VIT: variants seen among roughly 807,000 people sequenced by gnomAD.
VIT encodes vitrin.
In VIT, 99 loss-of-function variants were observed where a neutral mutation model predicts 78.0. That is an observed-to-expected ratio of 1.27 (90% CI 1.08 to 1.50). VIT has a LOEUF of 1.50. VIT is among the 40% of genes most tolerant of loss of function. The pLI is 0.00. For missense variants in VIT, 1,126 were observed against 875.3 expected, an observed-to-expected ratio of 1.29 and a Z score of -3.61; for synonymous variants, 374 against 334.3, an observed-to-expected ratio of 1.12 and a Z score of -1.29.
Position 36,808,683 on chromosome 2 carries a change from C to G in VIT, c.1601C>G (p.Thr534Ser). ...GNFRTVLQFV[T>S]NLTKEFEISD... ...TTCCGCACCGTCCTCCAGTTTGTGA[C>G]CAACCTCACCAAAGAGTTTGAGATT... The change falls in exon 15 of 16, where the codon ACC becomes AGC. Residue 534 changes from threonine (T) to serine (S), a missense_variant. Physicochemically the swap from Thr to Ser is moderately conservative, Grantham distance 58. Transcript: ENST00000379242. 1.2e-6 allele frequency: 2 copies of G among 1,614,236 alleles called. No individual in the cohort carries two copies. Among genetic ancestry groups the G allele is most frequent in the Non-Finnish European group, 1.7e-6 (2 of 1,180,048 alleles).
In VIT at chr2:36,787,295, C is replaced by G; in HGVS notation, c.1058+19C>G. ...AGTATGGGTAAGTGCAGTTAATGTT[C>G]TGAATCCAGAAAGGAAGTCATGCCA... On this transcript the variant is annotated intron_variant, in intron 12 of 15. Transcript: ENST00000379242. 3.8e-6 allele frequency: 6 copies of G among 1,598,348 alleles called. No individual in the cohort carries two copies. The highest frequency in any genetic ancestry group is 1.1e-5 in the South Asian group (1 of 89,058).
intron 15 of VIT, among the ~76,000 whole-genome samples, chr2:36,811,158 C>T (rs771954019): frequency 6.6e-6 from 1 of 152,136 alleles, no homozygotes; most frequent in Non-Finnish European, 1.5e-5. Flanking sequence ...TGCATGCCAA[C>T]AATCACAAGG....
chr2:36,788,208 A>G (rs999952009), intron 12 of VIT, among the ~76,000 whole-genome samples: 4 of 152,158 alleles, frequency 2.6e-5, no homozygotes, highest in South Asian at 2.1e-4. Context: ...TTTGGTGCCT[A>G]TTGCTTAGAA....
intron 8 of VIT, chr2:36,774,548 A>C: frequency 1.0e-6 from 1 of 985,358 alleles, no homozygotes; most frequent in Non-Finnish European, 1.2e-6. Flanking sequence ...CTGCTGGGGG[A>C]TACTCGTCCA....
intron 4 of VIT, among the ~76,000 whole-genome samples, chr2:36,748,037 G>T (rs1307361629): frequency 6.6e-6 from 1 of 152,204 alleles, no homozygotes; most frequent in Non-Finnish European, 1.5e-5. Flanking sequence ...CTTTAAGGGT[G>T]CTGAGAATAG....
chr2:36,708,116 C>A (rs980406193), intron 1 of VIT, among the ~76,000 whole-genome samples: 18 of 150,554 alleles, frequency 1.2e-4, no homozygotes, highest in African/African-American at 2.4e-4. Context: ...GACCTCCCCC[C>A]CCCGCCCACC....
chr2:36,767,319 G>A, intron 7 of VIT, 34 bp downstream of exon 7: 1 of 1,454,532 alleles, frequency 6.9e-7, no homozygotes, highest in Non-Finnish European at 9.1e-7. Context: ...CTTTGTGCTA[G>A]GGAAATGGGA....
chr2:36,745,651 C>T (rs745843448), intron 4 of VIT, among the ~76,000 whole-genome samples: 4 of 152,158 alleles, frequency 2.6e-5, no homozygotes, highest in East Asian at 1.9e-4. Flanking sequence ...TTTTATATAT[C>T]GGTTTTGTAT....
At chr2:36,797,006 A>G (rs1462205312) in intron 12 of VIT, among the ~76,000 whole-genome samples, 1 of 152,084 alleles carries the variant, frequency 6.6e-6, no homozygotes, top group African/African-American at 2.4e-5. Context: ...TACAAATAAC[A>G]TTATGTTTGA....
At chr2:36,757,107 A>G (rs1668813335) in intron 5 of VIT, among the ~76,000 whole-genome samples, 1 of 152,242 alleles carries the variant, frequency 6.6e-6, no homozygotes, top group African/African-American at 2.4e-5. Context: ...TCACTGCAGC[A>G]TAAGCATTGA....
chr2:36,743,382 T>A (rs1000046152), intron 4 of VIT, 126 bp downstream of exon 4: 1 of 1,057,558 alleles, frequency 9.5e-7, no homozygotes, highest in East Asian at 2.6e-5. Context: ...AATCTTTATT[T>A]AATCTTCATT....
intron 9 of VIT, among the ~76,000 whole-genome samples, 174 bp downstream of exon 9, chr2:36,775,241 G>A (rs1333560322): frequency 6.6e-6 from 1 of 152,196 alleles, no homozygotes; most frequent in African/African-American, 2.4e-5. Flanking sequence ...CTCTTTGATT[G>A]ATCTGTTCTC....
At chr2:36,777,129 ATAAAG>A (rs1670123746) in intron 9 of VIT, among the ~76,000 whole-genome samples, 4 of 76,830 alleles carry the variant, frequency 5.2e-5, no homozygotes, top group Non-Finnish European at 7.8e-5. Flanking sequence ...ATAAGTAAAA[ATAAAG>A]TAAATTAATA....
rs1665499192 is a variant in VIT, at chr2:36,707,433, T to G, written c.-18-8920T>G. ...CCAAAAAACACAGGCTTCAGGTCCTTCCATTCTGCCTGTTACAACCCAGGA... is the reference window on the plus strand; with the variant it reads ...CCAAAAAACACAGGCTTCAGGTCCTGCCATTCTGCCTGTTACAACCCAGGA... On this transcript the variant is annotated intron_variant, in intron 1 of 15. Transcript: ENST00000379242. 2.0e-5 allele frequency among the ~76,000 whole-genome samples: 3 copies of G among 152,136 alleles called. No homozygotes were observed. The South Asian group carries it at 6.2e-4, about 32-fold the overall frequency.
intron 9 of VIT, among the ~76,000 whole-genome samples, chr2:36,776,132 C>T (rs1670032139): frequency 1.3e-5 from 2 of 152,182 alleles, no homozygotes; most frequent in Admixed American, 1.3e-4. Flanking sequence ...TAGGGAATTC[C>T]CAGCCCCTTC....
intron 2 of VIT, among the ~76,000 whole-genome samples, chr2:36,723,655 A>G (rs1666650565): frequency 6.6e-6 from 1 of 152,220 alleles, no homozygotes; most frequent in Admixed American, 6.5e-5. Context: ...TTGTCACATC[A>G]GAGAGGGAGA....
intron 5 of VIT, among the ~76,000 whole-genome samples, chr2:36,757,761 T>G (rs1311552966): frequency 2.0e-5 from 3 of 152,224 alleles, no homozygotes; most frequent in Admixed American, 6.5e-5. Flanking sequence ...ATTTTAACAT[T>G]TTTTCCATTA....
intron 3 of VIT, among the ~76,000 whole-genome samples, chr2:36,742,438 C>A (rs556815509): frequency 2.0e-5 from 3 of 152,296 alleles, no homozygotes; most frequent in Non-Finnish European, 4.4e-5. Flanking sequence ...GAAAAGATCT[C>A]TCCCATTATG....
chr2:36,772,211 C>A (rs978591423), intron 7 of VIT, among the ~76,000 whole-genome samples: 4 of 151,864 alleles, frequency 2.6e-5, no homozygotes, highest in African/African-American at 4.8e-5. Flanking sequence ...GAGTTCAATA[C>A]CAGCCTGGGC....
Sources: gnomAD v4.1 joint callset for allele counts (sites outside exome capture counted in the v4.1 genomes callset) on GRCh38, gnomAD v4.1.1 for gene constraint, MANE v1.5 for transcripts, NCBI Gene and HGNC (gene_info 2026-07-23, HGNC 2026-07-21) for gene names.